FRMD4B: variants seen among roughly 807,000 people sequenced by gnomAD.
FRMD4B encodes FERM domain-containing protein 4B.
Under a neutral mutation model 141.5 loss-of-function variants are expected in FRMD4B, and 74 were observed. The observed-to-expected ratio is 0.52, with a 90% CI of 0.43 to 0.63. FRMD4B has a LOEUF of 0.63. Ranked by LOEUF, FRMD4B falls within the 30% of genes least tolerant of loss-of-function variation. The pLI, the probability that FRMD4B is intolerant of heterozygous loss-of-function variation, is 0.00. For missense variants in FRMD4B, 1,366 were observed against 1,253.4 expected, an observed-to-expected ratio of 1.09 and a Z score of -1.36; for synonymous variants, 506 against 467.9, an observed-to-expected ratio of 1.08 and a Z score of -1.05.
chr3:69,178,571 C>A (rs1344822819), intron 21 of FRMD4B, among the ~76,000 whole-genome samples: 1 of 151,312 alleles, frequency 6.6e-6, no homozygotes, highest in Non-Finnish European at 1.5e-5. Context: ...ACTTGGGAGG[C>A]TGAGGAGGGA....
chr3:69,346,787 G>A (rs1350121080), intron 1 of FRMD4B, among the ~76,000 whole-genome samples: 2 of 152,116 alleles, frequency 1.3e-5, no homozygotes, highest in African/African-American at 4.8e-5. Context: ...ATGCTGAGAG[G>A]TTTTGTCACC....
At chr3:69,491,870 G>A (rs1015275918) in intron 1 of FRMD4B, among the ~76,000 whole-genome samples, 3 of 152,182 alleles carry the variant, frequency 2.0e-5, no homozygotes, top group Non-Finnish European at 2.9e-5. Flanking sequence ...AAGACCAGTA[G>A]TAACATATCT....
chr3:69,274,676 G>A (rs1298940734), intron 5 of FRMD4B, among the ~76,000 whole-genome samples: 3 of 151,988 alleles, frequency 2.0e-5, no homozygotes, highest in Admixed American at 2.0e-4. Flanking sequence ...ATGCCACCAG[G>A]CCTGGCTAAT....
chr3:69,463,937 A>G (rs767289952), intron 1 of FRMD4B, among the ~76,000 whole-genome samples: 5 of 152,324 alleles, frequency 3.3e-5, no homozygotes, highest in African/African-American at 4.8e-5. Context: ...AAGATGATTG[A>G]TCACTTATTC....
At chr3:69,347,171 G>C (rs977731787) in intron 1 of FRMD4B, among the ~76,000 whole-genome samples, 2 of 152,124 alleles carry the variant, frequency 1.3e-5, no homozygotes, top group African/African-American at 4.8e-5. Context: ...AAAAAGGCAA[G>C]GGTTGCAATC....
intron 2 of FRMD4B, chr3:69,432,562 C>T (rs1331583869): frequency 6.7e-6 from 1 of 148,852 alleles, no homozygotes; most frequent in African/African-American, 2.4e-5. Context: ...CACATGCAAA[C>T]ACACATAAAC....
chr3:69,539,840 A>T (rs1701137950), intron 1 of FRMD4B, among the ~76,000 whole-genome samples: 1 of 150,764 alleles, frequency 6.6e-6, no homozygotes, highest in African/African-American at 2.4e-5. Context: ...GTGTTCAAAC[A>T]GTGTGTGTGT....
chr3:69,189,730 G>T (rs1345787352), intron 18 of FRMD4B, among the ~76,000 whole-genome samples, 166 bp downstream of exon 18: 1 of 152,164 alleles, frequency 6.6e-6, no homozygotes, highest in Non-Finnish European at 1.5e-5. Flanking sequence ...ACCTGAGTAG[G>T]TGTTAATCAT....
chr3:69,292,704 T>C (rs1453139509), intron 4 of FRMD4B, among the ~76,000 whole-genome samples: 2 of 151,974 alleles, frequency 1.3e-5, no homozygotes, highest in Non-Finnish European at 2.9e-5. Context: ...TTGGGGAAAA[T>C]GGCTCTTCAG....
intron 2 of FRMD4B, among the ~76,000 whole-genome samples, chr3:69,397,708 G>A (rs966444898): frequency 6.6e-6 from 1 of 152,144 alleles, no homozygotes; most frequent in Non-Finnish European, 1.5e-5. Context: ...GCCTAGGGCT[G>A]AGGGAATTAG....
At chr3:69,375,133 A>G (rs577151554) in intron 1 of FRMD4B, among the ~76,000 whole-genome samples, 205 of 148,192 alleles carry the variant, frequency 1.4e-3, no homozygotes, top group Non-Finnish European at 2.3e-3. Flanking sequence ...ACATCCATCC[A>G]TCTAACAATC....
At chr3:69,347,158 CAA>C (rs1211612631) in intron 1 of FRMD4B, among the ~76,000 whole-genome samples, 14 of 151,654 alleles carry the variant, frequency 9.2e-5, no homozygotes, top group Non-Finnish European at 5.9e-5. Context: ...AAATGGAAAA[CAA>C]AAAAAGGCAA....
At position 69,328,461 on chromosome 3, in the gene FRMD4B, C is replaced by T. The variant is rs182508493; in HGVS notation, c.163-14944G>A. 1.9e-3 allele frequency among the ~76,000 whole-genome samples: 282 copies of T among 152,288 alleles called. 1 individual carries two copies. Among genetic ancestry groups the T allele is most frequent in the African/African-American group, 6.4e-3 (267 of 41,550 alleles). On this transcript the variant is annotated intron_variant, in intron 1 of 22. Coordinates refer to ENST00000398540, the MANE Select transcript of FRMD4B (RefSeq NM_015123.3). ...GTCAGAGGTGTTTGCACTGGAGTGACTCCATCTTGAATAGGACCTGGGTAA... is the reference window on the plus strand; with the variant it reads ...GTCAGAGGTGTTTGCACTGGAGTGATTCCATCTTGAATAGGACCTGGGTAA...
At chr3:69,446,729 A>C (rs1221354709) in intron 1 of FRMD4B, among the ~76,000 whole-genome samples, 1 of 152,236 alleles carries the variant, frequency 6.6e-6, no homozygotes, top group East Asian at 1.9e-4. Flanking sequence ...GTTAATTTGC[A>C]GAAGACACAT....
chr3:69,361,044 C>T (rs899316347), intron 1 of FRMD4B, among the ~76,000 whole-genome samples: 4 of 152,068 alleles, frequency 2.6e-5, no homozygotes, highest in Non-Finnish European at 1.5e-5. Flanking sequence ...CTTTATTTGC[C>T]AGTTTCCAAA....
At chr3:69,523,493 C>T (rs547401546) in intron 1 of FRMD4B, among the ~76,000 whole-genome samples, 306 of 152,176 alleles carry the variant, frequency 2.0e-3, no homozygotes, top group African/African-American at 6.9e-3. Context: ...TGAGCCCATG[C>T]CGTATGGTTT....
intron 11 of FRMD4B, among the ~76,000 whole-genome samples, chr3:69,212,789 A>G (rs1294625621): frequency 2.6e-5 from 4 of 152,224 alleles, no homozygotes; most frequent in Non-Finnish European, 5.9e-5. Context: ...AGTTGTCCTA[A>G]TATTTTACAT....
At chr3:69,273,459 G>A (rs2093604574) in intron 5 of FRMD4B, among the ~76,000 whole-genome samples, 1 of 152,240 alleles carries the variant, frequency 6.6e-6, no homozygotes, top group Non-Finnish European at 1.5e-5. Context: ...TATTCTGATA[G>A]GTTAAGCATA....
Position 69,218,377 on chromosome 3 carries a change from T to C in FRMD4B, c.734A>G (p.Tyr245Cys). The change falls in exon 10 of 23, where the codon TAT (tyrosine) becomes TGT (cysteine). Residue 245 changes from tyrosine (Y) to cysteine (C), a missense_variant and splice_region_variant. Coordinates refer to ENST00000398540, the MANE Select transcript of FRMD4B (RefSeq NM_015123.3). ...CGGTAGAGCTTCTACTATTTTCATA[T>C]ACCTATGGAAAATAAATATGTATCA... The part of the protein sequence containing the change: ...GLTRGQAVVQ[Y>C]MKIVEALPTY... 7.3e-7 allele frequency: 1 copy of C among 1,374,284 alleles called. No individual in the cohort carries two copies. The highest frequency in any genetic ancestry group is 1.8e-5 in the Admixed American group (1 of 56,506). The allele number at this position is 1,374,284 out of a possible 1,614,324, so 85.1% of individuals were successfully genotyped here.
Sources: allele counts gnomAD v4.1 joint callset (sites outside exome capture counted in the v4.1 genomes callset), GRCh38; gene constraint gnomAD v4.1.1; transcripts MANE v1.5; gene names NCBI Gene and HGNC (gene_info 2026-07-23, HGNC 2026-07-21).